Variants in VWC2 observed in about 807,000 individuals in gnomAD.
The protein encoded by VWC2 is von Willebrand factor C domain containing 2.
Under a neutral mutation model 29.8 loss-of-function variants are expected in VWC2, and 14 were observed. The observed-to-expected ratio is 0.47, with a 90% CI of 0.31 to 0.74. VWC2 has a LOEUF of 0.74. Among genes scored for constraint, VWC2 ranks in the 30% least tolerant of loss-of-function variants. VWC2 has a pLI of 0.05. For missense variants in VWC2, 457 were observed against 459.8 expected (o/e 0.99, Z 0.05); for synonymous variants, 213 against 199.0 (o/e 1.07, Z -0.59).
intron 2 of VWC2, among the ~76,000 whole-genome samples, chr7:49,802,374 A>G (rs1009992719): frequency 2.0e-5 from 3 of 152,122 alleles, no homozygotes; most frequent in Admixed American, 6.5e-5. Context: ...GGCCAGGCTC[A>G]CTCCTGTAAT....
intron 3 of VWC2, among the ~76,000 whole-genome samples, chr7:49,899,799 T>C (rs1224402337): frequency 6.6e-6 from 1 of 151,990 alleles, no homozygotes; most frequent in African/African-American, 2.4e-5. Context: ...ATAGTTGACC[T>C]GAAGAGTACC....
At chr7:49,911,617 C>T (rs887376469) in intron 3 of VWC2, among the ~76,000 whole-genome samples, 1 of 151,990 alleles carries the variant, frequency 6.6e-6, no homozygotes. Flanking sequence ...GTACCATTGG[C>T]CGGGTGCAGT....
rs1011210439 is a variant in VWC2 at position 49,921,248 on chromosome 7, G to A, written c.*9063G>A. 9 of 152,220 alleles carry A rather than the reference G, an allele frequency of 5.9e-5. No individual in the cohort carries two copies. The highest frequency in any genetic ancestry group is 1.3e-4 in the Non-Finnish European group (9 of 68,086). 9.4% of individuals were successfully genotyped at this position (152,220 alleles called of 1,614,324 possible). ...GGTGAGAACATGCTGGCTGGAGGAT[G>A]GGTCTGGTTTCCAGCAGAGATGATA... On this transcript the variant is annotated 3_prime_UTR_variant, in exon 4 of 4. Transcript: ENST00000340652.
intron 2 of VWC2, among the ~76,000 whole-genome samples, chr7:49,782,646 C>T (rs1788202859): frequency 6.6e-6 from 1 of 151,094 alleles, no homozygotes; most frequent in Non-Finnish European, 1.5e-5. Context: ...GGAGTTCAAG[C>T]CCAGTCTAGA....
chr7:49,884,828 T>C (rs1791825877), intron 3 of VWC2, among the ~76,000 whole-genome samples: 1 of 152,006 alleles, frequency 6.6e-6, no homozygotes, highest in Admixed American at 6.6e-5. Flanking sequence ...CCAAAAATGA[T>C]ATAGACGTCA....
chr7:49,921,559 G>A lies in VWC2; in HGVS notation c.*9374G>A, dbSNP rs539562073. On this transcript the variant is annotated 3_prime_UTR_variant, in exon 4 of 4. Transcript: ENST00000340652. The stretch of plus-strand genomic sequence containing the variant: ...TCAGATTGCTCATCAGTAACATGGG[G>A]AGAGTGGTATCAACCACTAAGAGGA... 1.7e-4 allele frequency: 26 copies of A among 152,252 alleles called. No individual in the cohort carries two copies. In the East Asian group the frequency reaches 4.0e-3, roughly 24 times the overall value. 9.4% of individuals were successfully genotyped at this position (152,252 alleles called of 1,614,324 possible). A position where few individuals can be genotyped will look rare whatever the true frequency, so the allele number is the denominator to read the frequency against.
chr7:49,832,784 T>C (rs1789566767), intron 3 of VWC2, among the ~76,000 whole-genome samples: 1 of 152,190 alleles, frequency 6.6e-6, no homozygotes, highest in African/African-American at 2.4e-5. Context: ...TTGCCAAGAC[T>C]TTGTCAAGCT....
intron 3 of VWC2, among the ~76,000 whole-genome samples, chr7:49,892,336 G>A (rs556150447): frequency 3.9e-5 from 6 of 152,086 alleles, no homozygotes; most frequent in East Asian, 3.9e-4. Context: ...GTGAGCCACC[G>A]CGCCCGGCCA....
intron 3 of VWC2, among the ~76,000 whole-genome samples, chr7:49,897,144 C>T (rs553293609): frequency 2.6e-5 from 4 of 152,152 alleles, no homozygotes; most frequent in South Asian, 4.2e-4. Context: ...ATCCACCCGC[C>T]TCGGCCTCCC....
chr7:49,848,561 G>T (rs1790051930), intron 3 of VWC2, among the ~76,000 whole-genome samples: 1 of 152,176 alleles, frequency 6.6e-6, no homozygotes, highest in Non-Finnish European at 1.5e-5. Flanking sequence ...TCGTTTCCTG[G>T]TTTATCACCC....
At chr7:49,809,336 T>C (rs1245633360) in intron 3 of VWC2, among the ~76,000 whole-genome samples, 67 of 152,028 alleles carry the variant, frequency 4.4e-4, no homozygotes, top group Admixed American at 4.4e-3. Context: ...AGTTCATTTC[T>C]GAATTGTCCT....
chr7:49,808,957 C>T (rs1788937478), intron 3 of VWC2, among the ~76,000 whole-genome samples: 1 of 151,890 alleles, frequency 6.6e-6, no homozygotes. Flanking sequence ...GCAATGTAAC[C>T]CTCTACCTTA....
intron 3 of VWC2, 50 bp downstream of exon 3, chr7:49,802,890 C>G (rs376351137): frequency 6.2e-7 from 1 of 1,612,336 alleles, no homozygotes; most frequent in African/African-American, 1.3e-5. Flanking sequence ...CCCTGATGCA[C>G]AACCCATGTG....
chr7:49,872,440 A>T (rs1791196803), intron 3 of VWC2, among the ~76,000 whole-genome samples: 1 of 152,192 alleles, frequency 6.6e-6, no homozygotes, highest in African/African-American at 2.4e-5. Flanking sequence ...ATGCAAAAAT[A>T]AATCCTAGGT....
intron 3 of VWC2, among the ~76,000 whole-genome samples, chr7:49,823,680 A>G (rs1209833794): frequency 6.6e-6 from 1 of 152,210 alleles, no homozygotes; most frequent in Non-Finnish European, 1.5e-5. Context: ...AACTGCCTGC[A>G]TAAAGGAATT....
chr7:49,849,351 A>G (rs1562729908), intron 3 of VWC2, among the ~76,000 whole-genome samples: 1 of 152,222 alleles, frequency 6.6e-6, no homozygotes, highest in Non-Finnish European at 1.5e-5. Flanking sequence ...AGCACTGGAA[A>G]TTAGATGGCT....
At chr7:49,839,689 T>C (rs1789748054) in intron 3 of VWC2, among the ~76,000 whole-genome samples, 1 of 152,252 alleles carries the variant, frequency 6.6e-6, no homozygotes, top group East Asian at 1.9e-4. Context: ...GGACTATGTA[T>C]GTTGGATCCA....
chr7:49,884,268 A>G (rs544086386), intron 3 of VWC2, among the ~76,000 whole-genome samples: 1 of 152,358 alleles, frequency 6.6e-6, no homozygotes, highest in South Asian at 2.1e-4. Flanking sequence ...TGCCAGTGCT[A>G]TGGAAACACA....
chr7:49,791,998 T>C (rs1421965101), intron 2 of VWC2, among the ~76,000 whole-genome samples: 1 of 152,130 alleles, frequency 6.6e-6, no homozygotes, highest in Non-Finnish European at 1.5e-5. Context: ...GTAGGTGCAG[T>C]GGTGGAAGGG....
Sources: gnomAD v4.1 joint callset for allele counts (sites outside exome capture counted in the v4.1 genomes callset) on GRCh38, gnomAD v4.1.1 for gene constraint, MANE v1.5 for transcripts, NCBI Gene and HGNC (gene_info 2026-07-23, HGNC 2026-07-21) for gene names.